KL: variants seen among roughly 807,000 people sequenced by gnomAD.
KL encodes the protein klotho, also known as alpha-klotho.
Under a neutral mutation model 84.2 loss-of-function variants are expected in KL, and 62 were observed. The observed-to-expected ratio is 0.74, with a 90% CI of 0.60 to 0.91. The LOEUF (loss-of-function observed/expected upper bound fraction) is 0.91, where lower values mean the gene tolerates loss of function less well. Among genes scored for constraint, KL ranks in the 40% least tolerant of loss-of-function variants. The pLI is 0.00. For missense variants in KL, 1,261 were observed against 1,305.7 expected (o/e 0.97, Z 0.53); for synonymous variants, 528 against 528.0 (o/e 1.00, Z 0.00).
rs751273061 is a variant in KL at position 33,063,958 on chromosome 13, C to T, written c.2811C>T (p.Pro937=). 69 of 1,614,022 alleles carry T rather than the reference C, an allele frequency of 4.3e-5. No individual in the cohort carries two copies. The highest frequency in any genetic ancestry group is 5.8e-5 in the Non-Finnish European group (68 of 1,180,036). ...LYRYAADQFE[P]KASMKHYRKI... is the part of the protein sequence containing the mutation. ...GTTATGCTGCAGATCAGTTTGAGCCCAAGGCATCCATGAAACATTACAGGA... is the reference window on the plus strand; with the variant it reads ...GTTATGCTGCAGATCAGTTTGAGCCTAAGGCATCCATGAAACATTACAGGA... Residue 937 remains proline (P), a synonymous_variant, in exon 5 of 5, where the codon CCC becomes CCT. Transcript: ENST00000380099.
chr13:33,051,777 T>A (rs1009173418), intron 1 of KL, among the ~76,000 whole-genome samples: 2 of 152,182 alleles, frequency 1.3e-5, no homozygotes, highest in African/African-American at 4.8e-5. Context: ...ACTCTTTCAT[T>A]CCCTGTTCAG....
rs373674206 is a variant in KL, at chr13:33,055,331, A to C, written c.1599+16A>C. On this transcript the variant is annotated intron_variant, in intron 3 of 4. Transcript: ENST00000380099. The stretch of plus-strand genomic sequence containing the variant: ...CTACATTCAAGTAAGTCAGCTGACA[A>C]AACCAATCAGCAGTCTCACCAAGCC... 29 of 1,614,014 alleles carry C rather than the reference A, an allele frequency of 1.8e-5. 1 individual carries two copies. The highest frequency in any genetic ancestry group is 3.3e-4 in the Middle Eastern group (2 of 6,084).
intron 1 of KL, among the ~76,000 whole-genome samples, chr13:33,034,987 T>C (rs1871105222): frequency 6.6e-6 from 1 of 152,222 alleles, no homozygotes. Context: ...TTTTCAAAAT[T>C]GCTGAGGCTA....
chr13:33,054,000 T>C lies in KL; in HGVS notation c.1053T>C (p.Asp351=). The C allele has an allele frequency of 1.2e-6, 2 of 1,613,736 alleles. No homozygotes were observed. Among genetic ancestry groups the C allele is most frequent in the Non-Finnish European group, 8.5e-7 (1 of 1,179,664 alleles). ...ATAACCTTTCATCTATTCTGCCTGA[T>C]TTTACTGAATCTGAGAAAAAGTTCA... ...MKNNLSSILP[D]FTESEKKFIK... The change falls in exon 2 of 5, where the codon GAT becomes GAC. Residue 351 remains aspartate (D), a synonymous_variant. Coordinates refer to ENST00000380099, the MANE Select transcript of KL (RefSeq NM_004795.4).
At chr13:33,028,415 C>T (rs1227830271) in intron 1 of KL, among the ~76,000 whole-genome samples, 1 of 152,142 alleles carries the variant, frequency 6.6e-6, no homozygotes, top group Non-Finnish European at 1.5e-5. Flanking sequence ...TCCATAAACC[C>T]TTTCTCAGGA....
At chr13:33,043,437 C>T (rs1460414783) in intron 1 of KL, among the ~76,000 whole-genome samples, 2 of 152,246 alleles carry the variant, frequency 1.3e-5, no homozygotes, top group South Asian at 4.1e-4. Flanking sequence ...CCAAGTTGGT[C>T]TCGAACTCCT....
At position 33,016,495 on chromosome 13, in the gene KL, C is replaced by CTGCTGCTGG. The variant is rs1870333492; in HGVS notation, c.65_73dup (p.Val22_Leu24dup). On this transcript the variant is annotated inframe_insertion, in exon 1 of 5. Transcript: ENST00000380099. ...GCGGCCGCCGCCGCCGTCGCTGTCGCTGCTGCTGGTGCTGCTGGGCCTGGG... is the reference window on the plus strand; with the variant it reads ...GCGGCCGCCGCCGCCGTCGCTGTCGCTGCTGCTGGTGCTGCTGGTGCTGCTGGGCCTGGG... 9 of 1,210,128 alleles carry CTGCTGCTGG rather than the reference C, an allele frequency of 7.4e-6. No individual in the cohort carries two copies. Among genetic ancestry groups the CTGCTGCTGG allele is most frequent in the Non-Finnish European group, 8.2e-6 (8 of 974,838 alleles). The allele number at this position is 1,210,128 out of a possible 1,614,324, so 75.0% of individuals were successfully genotyped here.
chr13:33,031,524 A>T (rs183771679), intron 1 of KL, among the ~76,000 whole-genome samples: 16 of 152,300 alleles, frequency 1.1e-4, no homozygotes, highest in Non-Finnish European at 5.9e-5. Context: ...TAGAAAAGGG[A>T]AATGTTATAG....
rs79242705 is a variant in KL at position 33,021,383 on chromosome 13, C to A, written c.819+4124C>A. ...TTAAAAGCTATCTGTAGTCACCATG[C>A]AGCATTATGAAGAAGTTTTCAGAAT... On this transcript the variant is annotated intron_variant, in intron 1 of 4. Coordinates refer to ENST00000380099, the MANE Select transcript of KL (RefSeq NM_004795.4). Among the ~76,000 whole-genome samples, 318 of 152,290 alleles carry A rather than the reference C, an allele frequency of 2.1e-3. 3 individuals carry two copies. The highest frequency in any genetic ancestry group is 7.1e-3 in the African/African-American group (297 of 41,562).
At chr13:33,043,228 CTT>C (rs56697823) in intron 1 of KL, among the ~76,000 whole-genome samples, 8 of 144,812 alleles carry the variant, frequency 5.5e-5, no homozygotes, top group Non-Finnish European at 4.6e-5. Flanking sequence ...TGTTGGTAGT[CTT>C]TTTTTTTTTT....
intron 2 of KL, among the ~76,000 whole-genome samples, chr13:33,054,524 A>C (rs1871879237): frequency 6.6e-6 from 1 of 152,254 alleles, no homozygotes; most frequent in African/African-American, 2.4e-5. Context: ...CTTAACTTTC[A>C]GTTATTAATC....
At chr13:33,055,471 C>T (rs895061110) in intron 3 of KL, 156 bp downstream of exon 3, 2 of 825,800 alleles carry the variant, frequency 2.4e-6, no homozygotes, top group African/African-American at 1.7e-5. Context: ...TGGAATGCTG[C>T]ACCCTTCTCT....
chr13:33,063,865 T>C lies in KL; in HGVS notation c.2718T>C (p.Gly906=). ...TTTTTCCAGCCCACATACTGGATGG[T>C]ATCAATCTTTGCGGATACTTTGCTT... The part of the protein sequence containing the change: ...NEALKAHILD[G]INLCGYFAYS... The change falls in exon 5 of 5, where the codon GGT becomes GGC. Residue 906 remains glycine, a synonymous_variant. Coordinates refer to ENST00000380099, the MANE Select transcript of KL (RefSeq NM_004795.4). 1 of 1,614,152 alleles carries C rather than the reference T, an allele frequency of 6.2e-7. No homozygotes were observed. The highest frequency in any genetic ancestry group is 1.1e-5 in the South Asian group (1 of 91,078).
In KL at chr13:33,065,296, T is replaced by C. The variant is rs1446758822; in HGVS notation, c.*1110T>C. On this transcript the variant is annotated 3_prime_UTR_variant, in exon 5 of 5. Transcript: ENST00000380099. The stretch of plus-strand genomic sequence containing the variant: ...TCTGAGGTCTATTTTATGTTTTTGC[T>C]GCTACTTCTGTGGAAGTAGCTTTGA... 4.7e-6 allele frequency: 1 copy of C among 212,818 alleles called. No homozygotes were observed. The highest frequency in any genetic ancestry group is 2.3e-5 in the African/African-American group (1 of 44,156). 13.2% of individuals were successfully genotyped at this position (212,818 alleles called of 1,614,324 possible).
chr13:33,023,898 A>G lies in KL; in HGVS notation c.819+6639A>G, dbSNP rs528676311. On this transcript the variant is annotated intron_variant, in intron 1 of 4. Transcript: ENST00000380099. Reference sequence around the variant, plus strand: ...AATCAGAAGGAATTTGGAAAATCCCAGGTTACACTTCTCTCCAGGACGAAC... The same window carrying G: ...AATCAGAAGGAATTTGGAAAATCCCGGGTTACACTTCTCTCCAGGACGAAC... Among the ~76,000 whole-genome samples, 94 of 152,352 alleles carry G rather than the reference A, an allele frequency of 6.2e-4. 1 individual carries two copies. The Middle Eastern group carries it at 0.017, about 28-fold the overall frequency.
chr13:33,056,810 A>G (rs1871978894), intron 3 of KL, among the ~76,000 whole-genome samples: 1 of 152,022 alleles, frequency 6.6e-6, no homozygotes, highest in Admixed American at 6.5e-5. Flanking sequence ...CGTCTCTTAA[A>G]AAAAAAAATG....
chr13:33,055,904 A>C (rs1264045229), intron 3 of KL, among the ~76,000 whole-genome samples: 1 of 152,244 alleles, frequency 6.6e-6, no homozygotes. Context: ...GTAAGCCCTT[A>C]ACATTCTTTC....
chr13:33,020,590 G>C (rs1870539758), intron 1 of KL, among the ~76,000 whole-genome samples: 1 of 152,062 alleles, frequency 6.6e-6, no homozygotes, highest in Non-Finnish European at 1.5e-5. Flanking sequence ...CTATTATGAT[G>C]ACTTTTTACT....
At chr13:33,030,797 C>T (rs1413147630) in intron 1 of KL, among the ~76,000 whole-genome samples, 1 of 152,096 alleles carries the variant, frequency 6.6e-6, no homozygotes, top group East Asian at 1.9e-4. Context: ...CAAACTGAAA[C>T]AGGAACCATC....
Sources: allele counts gnomAD v4.1 joint callset (sites outside exome capture counted in the v4.1 genomes callset), GRCh38; gene constraint gnomAD v4.1.1; transcripts MANE v1.5; gene names NCBI Gene and HGNC (gene_info 2026-07-23, HGNC 2026-07-21).